The following EXOC6B variants were observed in gnomAD, a reference collection of about 807,000 sequenced individuals.
EXOC6B encodes exocyst complex component 6B.
A neutral mutation model predicts 113.5 loss-of-function variants in EXOC6B; 54 were observed. The observed-to-expected ratio is 0.48, with a 90% CI of 0.38 to 0.60. EXOC6B has a LOEUF of 0.60. EXOC6B is among the 20% of genes least tolerant of loss of function. EXOC6B has a pLI of 0.00. For missense variants in EXOC6B, 797 were observed against 977.5 expected, an observed-to-expected ratio of 0.82 and a Z score of 2.46; for synonymous variants, 357 against 339.0, an observed-to-expected ratio of 1.05 and a Z score of -0.58.
Position 72,641,527 on chromosome 2 carries a change from C to T in EXOC6B, c.670-65859G>A, listed in dbSNP as rs113077187. ...GCAACGGGAGGGGTATCCACCATTG[C>T]TGAGGCTTGAGTAGGTAAACAAAGC... On this transcript the variant is annotated intron_variant, in intron 6 of 21. Transcript: ENST00000272427. 1.4e-4 allele frequency among the ~76,000 whole-genome samples: 22 copies of T among 152,380 alleles called. 2 individuals carry two copies. Among genetic ancestry groups the T allele is most frequent in the African/African-American group, 4.6e-4 (19 of 41,592 alleles).
chr2:72,333,531 C>A (rs575521909), intron 20 of EXOC6B, among the ~76,000 whole-genome samples: 1 of 152,210 alleles, frequency 6.6e-6, no homozygotes, highest in South Asian at 2.1e-4. Context: ...ACTCCACAAA[C>A]CCTAAACCAA....
rs1553432050 is a variant in EXOC6B, at chr2:72,514,617, T to TATATAC, written c.1046+16_1046+17insGTATAT. 379 of 393,212 alleles carry TATATAC rather than the reference T, an allele frequency of 9.6e-4. 2 individuals are homozygous for TATATAC. The highest frequency in any genetic ancestry group is 8.1e-3 in the African/African-American group (364 of 44,718). The allele number at this position is 393,212 out of a possible 1,614,324, so 24.4% of individuals were successfully genotyped here. A position where few individuals can be genotyped will look rare whatever the true frequency, so the allele number is the denominator to read the frequency against. ...AAATAAATAAATAAATATATATATA[T>TATATAC]ATATATATATACCTACCCTACAATT... On this transcript the variant is annotated intron_variant, in intron 10 of 21. Coordinates refer to ENST00000272427, the MANE Select transcript of EXOC6B (RefSeq NM_015189.3).
intron 6 of EXOC6B, among the ~76,000 whole-genome samples, chr2:72,707,388 A>G (rs1042621591): frequency 1.3e-5 from 2 of 150,462 alleles, no homozygotes; most frequent in Non-Finnish European, 3.0e-5. Flanking sequence ...TTATAGTCCT[A>G]TTATTCATGT....
At chr2:72,622,544 T>A (rs1317718791) in intron 6 of EXOC6B, among the ~76,000 whole-genome samples, 2 of 151,966 alleles carry the variant, frequency 1.3e-5, no homozygotes, top group African/African-American at 4.8e-5. Flanking sequence ...CAAAACCCCA[T>A]CTCTACAAAA....
At chr2:72,789,306 G>T (rs1222959023) in intron 1 of EXOC6B, among the ~76,000 whole-genome samples, 1 of 152,114 alleles carries the variant, frequency 6.6e-6, no homozygotes, top group Non-Finnish European at 1.5e-5. Flanking sequence ...GGTACATCTA[G>T]CTCCAAGCAA....
intron 11 of EXOC6B, among the ~76,000 whole-genome samples, chr2:72,501,973 T>C (rs1700346890): frequency 6.6e-6 from 1 of 151,840 alleles, no homozygotes; most frequent in South Asian, 2.1e-4. Flanking sequence ...ATGTTGCCCA[T>C]GCTGGTCTCA....
chr2:72,449,505 A>T (rs1191507132), intron 18 of EXOC6B, among the ~76,000 whole-genome samples: 1 of 148,346 alleles, frequency 6.7e-6, no homozygotes, highest in Admixed American at 6.7e-5. Context: ...TTTGCATTGC[A>T]GTTATGCAAT....
chr2:72,398,733 C>T (rs1692929483), intron 18 of EXOC6B, among the ~76,000 whole-genome samples: 1 of 120,140 alleles, frequency 8.3e-6, no homozygotes, highest in Non-Finnish European at 1.7e-5. Flanking sequence ...TGTCTACACA[C>T]ACACACACAC....
Position 72,651,205 on chromosome 2 carries a change from T to C in EXOC6B, c.669+66898A>G, listed in dbSNP as rs184317497. Among the ~76,000 whole-genome samples, 3 of 152,328 alleles carry C rather than the reference T, an allele frequency of 2.0e-5. No homozygotes were observed. The East Asian group carries it at 5.8e-4, about 29-fold the overall frequency. On this transcript the variant is annotated intron_variant, in intron 6 of 21. Coordinates refer to ENST00000272427, the MANE Select transcript of EXOC6B (RefSeq NM_015189.3). ...TTAATTAAACTGTGGATTATGAAAG[T>C]TAAATTCTGTGCTAAAAATCTTACT...
Position 72,718,217 on chromosome 2 carries a change from G to T in EXOC6B, c.555C>A (p.Asp185Glu). The change falls in exon 6 of 22, where the codon GAC becomes GAA. Residue 185 changes from aspartate (D) to glutamate (E), a missense_variant. Physicochemically the swap from Asp to Glu is conservative, Grantham distance 45 (BLOSUM62 2). Coordinates refer to ENST00000272427, the MANE Select transcript of EXOC6B (RefSeq NM_015189.3). ...SHYRFCKVMVDNIPKLREEIK... is the reference protein window; with the variant it reads ...SHYRFCKVMVENIPKLREEIK... ...TTTCTTCTCGAAGCTTGGGGATGTTGTCCACCATCACCTTGCAGAATCGAT... is the reference window on the plus strand; with the variant it reads ...TTTCTTCTCGAAGCTTGGGGATGTTTTCCACCATCACCTTGCAGAATCGAT... 1 of 1,613,828 alleles carries T rather than the reference G, an allele frequency of 6.2e-7. No homozygotes were observed. The highest frequency in any genetic ancestry group is 8.5e-7 in the Non-Finnish European group (1 of 1,179,788).
intron 18 of EXOC6B, among the ~76,000 whole-genome samples, chr2:72,438,662 C>T (rs1388976416): frequency 6.6e-6 from 1 of 152,100 alleles, no homozygotes; most frequent in African/African-American, 2.4e-5. Flanking sequence ...TCATATAGAC[C>T]AGTATATTTC....
At chr2:72,367,152 G>A (rs1690674020) in intron 19 of EXOC6B, among the ~76,000 whole-genome samples, 1 of 151,820 alleles carries the variant, frequency 6.6e-6, no homozygotes, top group African/African-American at 2.4e-5. Flanking sequence ...CACAAACAAA[G>A]GACAAAACAT....
chr2:72,351,976 T>A (rs1689676457), intron 19 of EXOC6B, among the ~76,000 whole-genome samples: 1 of 152,200 alleles, frequency 6.6e-6, no homozygotes, highest in Non-Finnish European at 1.5e-5. Flanking sequence ...AGAGACCTCT[T>A]CAGTATGCTC....
chr2:72,601,998 C>A (rs1369050908), intron 6 of EXOC6B, among the ~76,000 whole-genome samples: 1 of 152,008 alleles, frequency 6.6e-6, no homozygotes, highest in Non-Finnish European at 1.5e-5. Context: ...TCATTAGTTG[C>A]CAGGGGATTG....
intron 5 of EXOC6B, among the ~76,000 whole-genome samples, chr2:72,723,876 C>G (rs1680153647): frequency 6.6e-6 from 1 of 151,872 alleles, no homozygotes; most frequent in Non-Finnish European, 1.5e-5. Flanking sequence ...CATCAGGCAA[C>G]ATAGAACTGC....
chr2:72,620,014 C>T (rs1048940507), intron 6 of EXOC6B, among the ~76,000 whole-genome samples: 1 of 152,194 alleles, frequency 6.6e-6, no homozygotes, highest in African/African-American at 2.4e-5. Flanking sequence ...ACGGCTTCCC[C>T]GCAGGACTGG....
chr2:72,508,988 C>A (rs1402495461), intron 11 of EXOC6B, among the ~76,000 whole-genome samples: 1 of 151,982 alleles, frequency 6.6e-6, no homozygotes, highest in Non-Finnish European at 1.5e-5. Flanking sequence ...ACTGTTGTTT[C>A]TGCCCCCAAA....
intron 18 of EXOC6B, among the ~76,000 whole-genome samples, chr2:72,450,377 G>A (rs937142535): frequency 1.3e-5 from 2 of 152,184 alleles, no homozygotes; most frequent in Admixed American, 6.5e-5. Flanking sequence ...GTTTACTAAA[G>A]GGACCTGAAA....
rs116245506 is a variant in EXOC6B, at chr2:72,518,035, C to A, written c.916-2909G>T. Among the ~76,000 whole-genome samples the A allele has an allele frequency of 3.8e-3, 572 of 152,142 alleles. 7 individuals carry two copies. Among genetic ancestry groups the A allele is most frequent in the African/African-American group, 0.013 (552 of 41,502 alleles). Reference sequence around the variant, plus strand: ...CCTTTCATTATTCTATTCCCTCTGCCAATTTTGTCAACTCAATACTTAAAG... The same window carrying A: ...CCTTTCATTATTCTATTCCCTCTGCAAATTTTGTCAACTCAATACTTAAAG... On this transcript the variant is annotated intron_variant, in intron 8 of 21. Transcript: ENST00000272427.
Sources: allele counts gnomAD v4.1 joint callset (sites outside exome capture counted in the v4.1 genomes callset), GRCh38; gene constraint gnomAD v4.1.1; transcripts MANE v1.5; gene names NCBI Gene and HGNC (gene_info 2026-07-23, HGNC 2026-07-21).